The following EHBP1 variants were observed in gnomAD, a reference collection of about 807,000 sequenced individuals.
EHBP1 encodes EH domain binding protein 1.
Under a neutral mutation model 144.0 loss-of-function variants are expected in EHBP1, and 55 were observed. The ratio of observed to expected loss-of-function variants is 0.38; its 90% CI spans 0.31 to 0.48. The LOEUF is 0.48. EHBP1 is among the 20% of genes least tolerant of loss of function. The probability of loss-of-function intolerance (pLI) is 0.98; values close to 1 mark genes in which losing one functional copy is unlikely to be tolerated. For missense variants in EHBP1, 1,200 were observed against 1,364.2 expected (o/e 0.88, Z 1.90); for synonymous variants, 469 against 472.7 (o/e 0.99, Z 0.10).
At chr2:63,005,068 A>G (rs1311014293) in intron 19 of EHBP1, among the ~76,000 whole-genome samples, 1 of 152,120 alleles carries the variant, frequency 6.6e-6, no homozygotes, top group Non-Finnish European at 1.5e-5. Context: ...ATATACTTAA[A>G]TACTTCATCC....
chr2:62,820,740 ATATATATATATATATATATATATATAT>A (rs2045909383), intron 5 of EHBP1, among the ~76,000 whole-genome samples: 2 of 33,482 alleles, frequency 6.0e-5, no homozygotes, highest in African/African-American at 2.4e-4. Context: ...TGTGTATAAT[ATATATATATATATATATATATATATAT>A]ATATATATAT....
At chr2:63,004,274 C>T (rs1434392040) in intron 19 of EHBP1, among the ~76,000 whole-genome samples, 1 of 151,914 alleles carries the variant, frequency 6.6e-6, no homozygotes, top group Non-Finnish European at 1.5e-5. Flanking sequence ...AATCACAAAG[C>T]AAAATGGCTC....
At position 62,990,736 on chromosome 2, in the gene EHBP1, G is replaced by A. The variant is rs762554096; in HGVS notation, c.2629G>A (p.Asp877Asn). 1.2e-6 allele frequency: 2 copies of A among 1,613,770 alleles called. No homozygotes were observed. Among genetic ancestry groups the A allele is most frequent in the Non-Finnish European group, 1.7e-6 (2 of 1,179,806 alleles). Residue 877 changes from aspartate (D) to asparagine (N), a missense_variant, in exon 16 of 23, where the codon GAC becomes AAC. Coordinates refer to ENST00000431489, the MANE Select transcript of EHBP1 (RefSeq NM_001142616.3). ...ASGEQNSKLVDLKLKKLLEVQ... is the reference protein window; with the variant it reads ...ASGEQNSKLVNLKLKKLLEVQ... ...AACAGAACAAAACAGTAAGTTGGTGGACTTGAAGCTGAAGAAGCTCCTAGA... is the reference window on the plus strand; with the variant it reads ...AACAGAACAAAACAGTAAGTTGGTGAACTTGAAGCTGAAGAAGCTCCTAGA...
intron 5 of EHBP1, among the ~76,000 whole-genome samples, chr2:62,795,820 C>T (rs2043499327): frequency 6.6e-6 from 1 of 151,840 alleles, no homozygotes; most frequent in South Asian, 2.1e-4. Context: ...CCTGGATTTC[C>T]TGCCCTTCCT....
intron 2 of EHBP1, among the ~76,000 whole-genome samples, chr2:62,711,831 C>T (rs961648745): frequency 2.0e-5 from 3 of 152,104 alleles, no homozygotes; most frequent in South Asian, 4.2e-4. Context: ...GCAAGGTGAC[C>T]GTTGGATTTG....
intron 7 of EHBP1, among the ~76,000 whole-genome samples, chr2:62,837,272 T>C (rs1364264309): frequency 6.9e-6 from 1 of 145,384 alleles, no homozygotes; most frequent in Non-Finnish European, 1.5e-5. Flanking sequence ...TAAAATACTT[T>C]ACAGACAAGC....
chr2:62,954,120 G>C (rs1184542256), intron 13 of EHBP1, among the ~76,000 whole-genome samples: 1 of 152,156 alleles, frequency 6.6e-6, no homozygotes, highest in Non-Finnish European at 1.5e-5. Flanking sequence ...GAGGCTTAGA[G>C]AAATTAACTT....
intron 1 of EHBP1, among the ~76,000 whole-genome samples, chr2:62,699,751 T>C (rs1350325726): frequency 2.6e-5 from 4 of 152,222 alleles, no homozygotes; most frequent in Non-Finnish European, 4.4e-5. Flanking sequence ...GCCTGCAATA[T>C]AAAGATTTCT....
At chr2:62,768,314 T>A (rs563104240) in intron 4 of EHBP1, among the ~76,000 whole-genome samples, 2 of 152,208 alleles carry the variant, frequency 1.3e-5, no homozygotes, top group African/African-American at 4.8e-5. Context: ...ATAAACACAA[T>A]TAGAAATGAT....
chr2:62,829,831 T>TA (rs964459095), intron 6 of EHBP1, among the ~76,000 whole-genome samples: 11 of 147,838 alleles, frequency 7.4e-5, no homozygotes, highest in African/African-American at 2.0e-4. Context: ...AATTTAAGAA[T>TA]AAAAAAAATA....
intron 13 of EHBP1, among the ~76,000 whole-genome samples, chr2:62,950,873 C>T (rs533609878): frequency 8.5e-5 from 13 of 152,118 alleles, no homozygotes; most frequent in East Asian, 3.9e-4. Flanking sequence ...TTAGTAGAGA[C>T]GGTGTTTCTC....
intron 9 of EHBP1, among the ~76,000 whole-genome samples, chr2:62,873,151 AT>A (rs2050620308): frequency 1.3e-5 from 2 of 152,156 alleles, no homozygotes; most frequent in African/African-American, 2.4e-5. Context: ...ACAATATAGA[AT>A]TACAAAACAC....
At chr2:62,784,224 G>A (rs1228843720) in intron 5 of EHBP1, among the ~76,000 whole-genome samples, 1 of 152,068 alleles carries the variant, frequency 6.6e-6, no homozygotes, top group East Asian at 1.9e-4. Flanking sequence ...AACAATATAT[G>A]TTTCCTACCT....
intron 19 of EHBP1, among the ~76,000 whole-genome samples, chr2:63,030,408 TACACAC>T (rs200310215): frequency 8.0e-5 from 12 of 150,170 alleles, no homozygotes; most frequent in African/African-American, 1.5e-4. Flanking sequence ...TATATATATA[TACACAC>T]ACACACACAC....
intron 14 of EHBP1, among the ~76,000 whole-genome samples, chr2:62,968,143 GTCTTAT>G (rs953599505): frequency 6.6e-6 from 1 of 151,968 alleles, no homozygotes; most frequent in Admixed American, 6.6e-5. Flanking sequence ...GTTTTTTTGG[GTCTTAT>G]TCTGAGTACA....
chr2:62,799,003 CAAAAAAAAA>C (rs757731955), intron 5 of EHBP1, among the ~76,000 whole-genome samples: 1 of 76,786 alleles, frequency 1.3e-5, no homozygotes, highest in African/African-American at 5.5e-5. Flanking sequence ...GACTCCGTCT[CAAAAAAAAA>C]AAAAAAAAAA....
intron 5 of EHBP1, among the ~76,000 whole-genome samples, chr2:62,773,850 C>CAAAAAAAAAAA (rs570715468): frequency 6.5e-4 from 27 of 41,540 alleles, no homozygotes; most frequent in East Asian, 1.1e-3. Context: ...GACTCCATCT[C>CAAAAAAAAAAA]AAAAAAAAAA....
chr2:62,976,385 G>A (rs1247580410), intron 14 of EHBP1, among the ~76,000 whole-genome samples: 1 of 152,102 alleles, frequency 6.6e-6, no homozygotes, highest in Non-Finnish European at 1.5e-5. Flanking sequence ...TGTCCCTAAT[G>A]ATATGTCACC....
chr2:62,926,144 C>T (rs957636578), intron 10 of EHBP1, among the ~76,000 whole-genome samples: 3 of 152,130 alleles, frequency 2.0e-5, no homozygotes, highest in African/African-American at 7.2e-5. Context: ...CAAGGACACT[C>T]ATTGGGGAAA....
Sources: allele counts gnomAD v4.1 joint callset (sites outside exome capture counted in the v4.1 genomes callset), GRCh38; gene constraint gnomAD v4.1.1; transcripts MANE v1.5; gene names NCBI Gene and HGNC (gene_info 2026-07-23, HGNC 2026-07-21).